The following FHOD3 variants were observed in gnomAD, a reference collection of about 807,000 sequenced individuals.
FHOD3 encodes the protein formin homology 2 domain containing 3.
Under a neutral mutation model 173.0 loss-of-function variants are expected in FHOD3, and 90 were observed. The ratio of observed to expected loss-of-function variants is 0.52; its 90% confidence interval spans 0.44 to 0.62. The LOEUF is 0.62. Ranked by LOEUF, FHOD3 falls within the 20% of genes least tolerant of loss-of-function variation. FHOD3 has a pLI of 0.00. For missense variants in FHOD3, 1,945 were observed against 2,034.7 expected (o/e 0.96, Z 0.85); for synonymous variants, 828 against 823.0 (o/e 1.01, Z -0.10).
intron 10 of FHOD3, among the ~76,000 whole-genome samples, chr18:36,637,022 TG>T (rs2034941354): frequency 6.6e-6 from 1 of 152,212 alleles, no homozygotes; most frequent in Non-Finnish European, 1.5e-5. Flanking sequence ...ACTCTACCTT[TG>T]TTTTTGTTTG....
chr18:36,693,165 C>A (rs1430646350), intron 16 of FHOD3, 44 bp from the exon 17 acceptor site: 1 of 1,560,842 alleles, frequency 6.4e-7, no homozygotes, highest in South Asian at 1.2e-5. Flanking sequence ...CAGCCACAGG[C>A]TCCTCTTTCG....
intron 3 of FHOD3, among the ~76,000 whole-genome samples, chr18:36,455,427 C>T (rs1196396313): frequency 1.3e-5 from 2 of 152,098 alleles, no homozygotes; most frequent in African/African-American, 2.4e-5. Context: ...CATTGTTTCA[C>T]AGTAGATTTT....
chr18:36,693,127 T>C, intron 16 of FHOD3, 82 bp from the exon 17 acceptor site: 2 of 1,369,434 alleles, frequency 1.5e-6, no homozygotes, highest in South Asian at 2.5e-5. Flanking sequence ...CGGCTCATTC[T>C]GCAGGTGTTT....
At chr18:36,512,121 G>T (rs537072333) in intron 4 of FHOD3, among the ~76,000 whole-genome samples, 1 of 152,324 alleles carries the variant, frequency 6.6e-6, no homozygotes, top group Admixed American at 6.5e-5. Context: ...TTGGGACCGT[G>T]GGGGAGTAGA....
At chr18:36,749,958 A>G (rs752559634) in intron 24 of FHOD3, among the ~76,000 whole-genome samples, 3 of 149,130 alleles carry the variant, frequency 2.0e-5, no homozygotes, top group Admixed American at 6.7e-5. Flanking sequence ...TTTTTTTTCC[A>G]TATTCTTGTT....
At chr18:36,475,045 T>A in intron 3 of FHOD3, among the ~76,000 whole-genome samples, 1 of 147,188 alleles carries the variant, frequency 6.8e-6, no homozygotes, top group Non-Finnish European at 1.5e-5. Context: ...TCTGCAAAAT[T>A]TAATGCCTTC....
chr18:36,350,027 C>G (rs1457423140), intron 1 of FHOD3, among the ~76,000 whole-genome samples: 2 of 150,250 alleles, frequency 1.3e-5, no homozygotes, highest in African/African-American at 5.1e-5. Context: ...ATCTGCCTGC[C>G]TTGACCTCCC....
intron 18 of FHOD3, among the ~76,000 whole-genome samples, chr18:36,714,237 T>A (rs1196529577): frequency 3.9e-5 from 6 of 152,116 alleles, no homozygotes; most frequent in Non-Finnish European, 8.8e-5. Flanking sequence ...ACTGGCATTT[T>A]AAAAATATTA....
chr18:36,494,974 G>A (rs766507853), intron 3 of FHOD3, among the ~76,000 whole-genome samples: 2 of 152,064 alleles, frequency 1.3e-5, no homozygotes, highest in South Asian at 2.1e-4. Flanking sequence ...TGTCACCTCC[G>A]CTCTGTCGCC....
chr18:36,620,430 G>C (rs1236487782), intron 9 of FHOD3, among the ~76,000 whole-genome samples: 2 of 152,194 alleles, frequency 1.3e-5, no homozygotes, highest in Non-Finnish European at 2.9e-5. Context: ...GGCTCCTTCT[G>C]TTTGTCCCCC....
intron 3 of FHOD3, among the ~76,000 whole-genome samples, chr18:36,467,382 A>G (rs967189118): frequency 1.3e-5 from 2 of 152,196 alleles, no homozygotes; most frequent in Non-Finnish European, 2.9e-5. Context: ...CCAACCCTGT[A>G]TTCCTGAGGG....
chr18:36,454,759 A>G (rs1218223522), intron 3 of FHOD3, among the ~76,000 whole-genome samples: 1 of 151,328 alleles, frequency 6.6e-6, no homozygotes, highest in African/African-American at 2.4e-5. Flanking sequence ...CTTATGATTG[A>G]TCCTGGCTCT....
At chr18:36,584,276 C>T (rs1864504242) in intron 6 of FHOD3, among the ~76,000 whole-genome samples, 1 of 152,122 alleles carries the variant, frequency 6.6e-6, no homozygotes, top group African/African-American at 2.4e-5. Flanking sequence ...TTCCTGCAAC[C>T]CCAGGTATAT....
At chr18:36,530,599 T>C (rs1208991983) in intron 5 of FHOD3, among the ~76,000 whole-genome samples, 4 of 152,212 alleles carry the variant, frequency 2.6e-5, no homozygotes, top group Non-Finnish European at 5.9e-5. Context: ...GTACTGCAAT[T>C]ATTTATTAGT....
intron 9 of FHOD3, among the ~76,000 whole-genome samples, chr18:36,619,093 G>A (rs1373103146): frequency 1.3e-5 from 2 of 152,054 alleles, no homozygotes; most frequent in Admixed American, 1.3e-4. Flanking sequence ...CTTTTCCTCT[G>A]CCTGCTTGCC....
Position 36,494,547 on chromosome 18 carries a change from G to A in FHOD3, c.338-7385G>A, listed in dbSNP as rs115113728. ...AAGCGGTGGGAGAAAAAATGCATAT[G>A]TTTCTTCATTTATTTATTGGCCAAG... is the stretch of plus-strand genomic sequence containing the variant. On this transcript the variant is annotated intron_variant, in intron 3 of 28. Transcript: ENST00000590592. Among the ~76,000 whole-genome samples, 690 of 152,254 alleles carry A rather than the reference G, an allele frequency of 4.5e-3. 5 individuals carry two copies. Among genetic ancestry groups the A allele is most frequent in the African/African-American group, 0.016 (648 of 41,554 alleles).
chr18:36,515,411 G>C (rs954096182), intron 5 of FHOD3, among the ~76,000 whole-genome samples: 14 of 152,132 alleles, frequency 9.2e-5, no homozygotes, highest in African/African-American at 3.1e-4. Context: ...GTAGAGATGG[G>C]GTTTCACCAT....
chr18:36,366,410 A>G (rs537482069), intron 2 of FHOD3, among the ~76,000 whole-genome samples: 1 of 152,328 alleles, frequency 6.6e-6, no homozygotes, highest in African/African-American at 2.4e-5. Context: ...ACCTAACATT[A>G]TTCAGCATTT....
chr18:36,495,050 C>T (rs887055345), intron 3 of FHOD3, among the ~76,000 whole-genome samples: 1 of 152,072 alleles, frequency 6.6e-6, no homozygotes, highest in Admixed American at 6.5e-5. Context: ...TCAAGCAGTC[C>T]TCCCACCTCA....
Sources: gnomAD v4.1 joint callset for allele counts (sites outside exome capture counted in the v4.1 genomes callset) on GRCh38, gnomAD v4.1.1 for gene constraint, MANE v1.5 for transcripts, NCBI Gene and HGNC (gene_info 2026-07-23, HGNC 2026-07-21) for gene names.